Variants in WDR49 observed in about 807,000 individuals in gnomAD.
The protein encoded by WDR49 is WD repeat domain 49.
A neutral mutation model predicts 119.5 loss-of-function variants in WDR49; 107 were observed. The ratio of observed to expected loss-of-function variants is 0.90; its 90% CI spans 0.77 to 1.05. WDR49 has a LOEUF of 1.05. Ranked by LOEUF, WDR49 falls within the 50% of genes least tolerant of loss-of-function variation. The pLI, the probability that WDR49 is intolerant of heterozygous loss-of-function variation, is 0.00. For missense variants in WDR49, 1,240 were observed against 1,220.5 expected (o/e 1.02, Z -0.24); for synonymous variants, 425 against 418.8 (o/e 1.01, Z -0.18).
At chr3:167,567,222 G>T (rs968264363) in intron 8 of WDR49, among the ~76,000 whole-genome samples, 9 of 152,072 alleles carry the variant, frequency 5.9e-5, no homozygotes, top group Admixed American at 5.2e-4. Flanking sequence ...ATTGTCTAAC[G>T]TCCCTTTGTT....
intron 9 of WDR49, among the ~76,000 whole-genome samples, chr3:167,556,026 G>T (rs1712904638): frequency 6.6e-6 from 1 of 152,114 alleles, no homozygotes; most frequent in Non-Finnish European, 1.5e-5. Flanking sequence ...CATAGAAAAG[G>T]TACAGTAGAA....
intron 10 of WDR49, among the ~76,000 whole-genome samples, chr3:167,554,187 G>A (rs1712769026): frequency 6.6e-6 from 1 of 152,098 alleles, no homozygotes. Flanking sequence ...TGCTCCTCGA[G>A]AAGAGTAAGT....
chr3:167,526,029 T>TA (rs1452190442), intron 15 of WDR49, among the ~76,000 whole-genome samples: 4 of 151,224 alleles, frequency 2.6e-5, no homozygotes, highest in South Asian at 2.1e-4. Context: ...AAATAAAAAT[T>TA]AAAAAAAAGA....
chr3:167,589,562 A>G (rs566174518), intron 7 of WDR49, among the ~76,000 whole-genome samples: 1 of 151,900 alleles, frequency 6.6e-6, no homozygotes, highest in African/African-American at 2.4e-5. Flanking sequence ...ATTCTTCCAG[A>G]CCATGAACAT....
At chr3:167,582,549 C>T (rs1449313271) in intron 7 of WDR49, among the ~76,000 whole-genome samples, 1 of 152,098 alleles carries the variant, frequency 6.6e-6, no homozygotes, top group Non-Finnish European at 1.5e-5. Context: ...ACACACAGCT[C>T]TAAGACTCGA....
chr3:167,560,956 A>T (rs1376724106), intron 8 of WDR49, among the ~76,000 whole-genome samples: 1 of 152,156 alleles, frequency 6.6e-6, no homozygotes, highest in South Asian at 2.1e-4. Context: ...TAAGAGATTC[A>T]TAGGTTAAAA....
intron 10 of WDR49, among the ~76,000 whole-genome samples, chr3:167,541,017 A>G (rs1335125803): frequency 2.0e-5 from 3 of 152,096 alleles, no homozygotes; most frequent in Non-Finnish European, 4.4e-5. Context: ...TAATTTCTAA[A>G]AAAAATGAAT....
intron 18 of WDR49, among the ~76,000 whole-genome samples, chr3:167,494,598 C>T (rs1751274670): frequency 6.6e-6 from 1 of 152,114 alleles, no homozygotes; most frequent in Admixed American, 6.6e-5. Flanking sequence ...CTAAAATTGC[C>T]AAGTATTTTC....
intron 14 of WDR49, among the ~76,000 whole-genome samples, chr3:167,528,694 G>A (rs1752728709): frequency 6.6e-6 from 1 of 151,902 alleles, no homozygotes; most frequent in African/African-American, 2.4e-5. Context: ...CTCCAGTCTA[G>A]GTGACAGAGG....
At chr3:167,565,234 A>C (rs2108274480) in intron 8 of WDR49, among the ~76,000 whole-genome samples, 1 of 152,146 alleles carries the variant, frequency 6.6e-6, no homozygotes, top group South Asian at 2.1e-4. Flanking sequence ...GCTCTTTCAA[A>C]TTCATTATTT....
intron 8 of WDR49, among the ~76,000 whole-genome samples, chr3:167,564,870 G>A (rs923361110): frequency 6.6e-6 from 1 of 151,834 alleles, no homozygotes; most frequent in South Asian, 2.1e-4. Context: ...AGGCACTTTA[G>A]TTGTCTTTTA....
At chr3:167,502,141 C>T (rs77422212) in intron 17 of WDR49, among the ~76,000 whole-genome samples, 1 of 152,042 alleles carries the variant, frequency 6.6e-6, no homozygotes, top group African/African-American at 2.4e-5. Context: ...TGTGTGGCAC[C>T]ACCCCCAGCT....
intron 15 of WDR49, among the ~76,000 whole-genome samples, chr3:167,525,955 C>T (rs779569638): frequency 6.6e-6 from 1 of 151,358 alleles, no homozygotes; most frequent in Non-Finnish European, 1.5e-5. Flanking sequence ...ACACTCTTTG[C>T]TCTACATCTT....
intron 7 of WDR49, among the ~76,000 whole-genome samples, chr3:167,579,735 C>T (rs530153835): frequency 3.3e-5 from 5 of 152,140 alleles, no homozygotes; most frequent in Non-Finnish European, 5.9e-5. Flanking sequence ...AACATGAATT[C>T]TGTTATAAAT....
chr3:167,634,546 G>T (rs943813303), intron 2 of WDR49, among the ~76,000 whole-genome samples: 1 of 151,778 alleles, frequency 6.6e-6, no homozygotes, highest in Admixed American at 6.6e-5. Context: ...TTCAGTTACA[G>T]TCAGTTCTAG....
intron 7 of WDR49, among the ~76,000 whole-genome samples, chr3:167,588,529 C>A (rs1006831269): frequency 1.3e-5 from 2 of 152,064 alleles, no homozygotes; most frequent in African/African-American, 2.4e-5. Flanking sequence ...AGTGGTTTTA[C>A]CAATTTACAT....
intron 10 of WDR49, among the ~76,000 whole-genome samples, chr3:167,544,494 G>A (rs1407961617): frequency 6.6e-6 from 1 of 151,746 alleles, no homozygotes; most frequent in African/African-American, 2.4e-5. Context: ...GACATAAAAA[G>A]GCAAATAGAC....
At chr3:167,650,053 C>T (rs1577301567) in intron 2 of WDR49, among the ~76,000 whole-genome samples, 1 of 152,114 alleles carries the variant, frequency 6.6e-6, no homozygotes, top group Non-Finnish European at 1.5e-5. Flanking sequence ...CATTGACATA[C>T]AGAGATCAAC....
chr3:167,647,674 T>C (rs1718186766), intron 2 of WDR49, among the ~76,000 whole-genome samples: 1 of 152,130 alleles, frequency 6.6e-6, no homozygotes. Flanking sequence ...GCGTGAGAAA[T>C]GGTATGACCT....
Sources: gnomAD v4.1 joint callset for allele counts (sites outside exome capture counted in the v4.1 genomes callset) on GRCh38, gnomAD v4.1.1 for gene constraint, MANE v1.5 for transcripts, NCBI Gene and HGNC (gene_info 2026-07-23, HGNC 2026-07-21) for gene names.